RPSA: variants seen among roughly 807,000 people sequenced by gnomAD.
The protein encoded by RPSA is ribosomal protein SA.
For missense variants in RPSA, 140 were observed against 372.8 expected (o/e 0.38, Z 5.14); for synonymous variants, 103 against 126.7 (o/e 0.81, Z 1.25).
Position 39,408,014 on chromosome 3 carries a change from T to G in RPSA, c.133+228T>G, listed in dbSNP as rs555688965. The stretch of plus-strand genomic sequence containing the variant: ...GAGTTACGGGACTTGGGTTGGGTCA[T>G]GAACATGAGAAAGTTCATTGGCTGA... On this transcript the variant is annotated intron_variant, in intron 2 of 6. Transcript: ENST00000301821. 2.8e-5 allele frequency: 14 copies of G among 504,402 alleles called. 1 individual carries two copies. The highest frequency in any genetic ancestry group is 1.7e-4 in the African/African-American group (9 of 51,676). The allele number at this position is 504,402 out of a possible 1,614,324, so 31.2% of individuals were successfully genotyped here. A position where few individuals can be genotyped will look rare whatever the true frequency, so the allele number is the denominator to read the frequency against.
chr3:39,408,337 A>C lies in RPSA; in HGVS notation c.134-269A>C, dbSNP rs889327212. 5.7e-5 allele frequency: 36 copies of C among 630,794 alleles called. 2 individuals carry two copies. Among genetic ancestry groups the C allele is most frequent in the South Asian group, 5.3e-4 (36 of 67,440 alleles). 39.1% of individuals were successfully genotyped at this position (630,794 alleles called of 1,614,324 possible). ...GTGGATTATTAAGAACCAATGATGG[A>C]ATAAGTACAGGGAAAGAGAAAGGAA... On this transcript the variant is annotated intron_variant, in intron 2 of 6. Transcript: ENST00000301821.
Position 39,408,650 on chromosome 3 carries a change from C to G in RPSA, c.178C>G (p.Leu60Val), listed in dbSNP as rs765372610. 1.9e-6 allele frequency: 3 copies of G among 1,613,310 alleles called. No homozygotes were observed. In the South Asian group the frequency reaches 3.3e-5, roughly 18 times the overall value. Residue 60 changes from leucine (L) to valine (V), a missense_variant, in exon 3 of 7, where the codon CTG (leucine) becomes GTG (valine). Coordinates refer to ENST00000301821, the MANE Select transcript of RPSA (RefSeq NM_002295.6). ...CAAGAGGACCTGGGAGAAGCTTCTGCTGGCAGCTCGTGCAATTGTTGCCAT... is the reference window on the plus strand; with the variant it reads ...CAAGAGGACCTGGGAGAAGCTTCTGGTGGCAGCTCGTGCAATTGTTGCCAT... ...NLKRTWEKLL[L>V]AARAIVAIEN...
intron 3 of RPSA, among the ~76,000 whole-genome samples, chr3:39,409,438 T>G (rs2041973153): frequency 6.6e-6 from 1 of 152,178 alleles, no homozygotes; most frequent in African/African-American, 2.4e-5. Context: ...TGATCTCAAG[T>G]GATCCTCCCA....
At chr3:39,409,946 G>T (rs553802818) in intron 3 of RPSA, among the ~76,000 whole-genome samples, 1 of 152,290 alleles carries the variant, frequency 6.6e-6, no homozygotes, top group East Asian at 1.9e-4. Flanking sequence ...TGGGCAACGT[G>T]GCAAAACTCC....
rs748667898 is a variant in RPSA, at chr3:39,408,674, A to G, written c.202A>G (p.Ile68Val). 2 of 1,613,500 alleles carry G rather than the reference A, an allele frequency of 1.2e-6. No homozygotes were observed. The highest frequency in any genetic ancestry group is 2.2e-5 in the South Asian group (2 of 91,054). Residue 68 changes from isoleucine (I) to valine (V), a missense_variant, in exon 3 of 7, where the codon ATT (isoleucine) becomes GTT (valine). Physicochemically the swap from Ile to Val is conservative, Grantham distance 29. Transcript: ENST00000301821. ...LLLAARAIVA[I>V]ENPADVSVIS... ...GCTGGCAGCTCGTGCAATTGTTGCC[A>G]TTGAAAACCCTGCTGATGTCAGTGT...
chr3:39,412,199 C>A, intron 6 of RPSA, 75 bp from the exon 7 acceptor site: 1 of 1,333,626 alleles, frequency 7.5e-7, no homozygotes, highest in Non-Finnish European at 1.1e-6. Context: ...TGATAGACTG[C>A]TGTTGGGAGT....
chr3:39,406,844 C>T (rs2041923713), intron 1 of RPSA, 80 bp downstream of exon 1: 1 of 456,164 alleles, frequency 2.2e-6, no homozygotes, highest in African/African-American at 2.0e-5. Flanking sequence ...GGTGAGAAGA[C>T]TAGTGATGAA....
At position 39,408,377 on chromosome 3, in the gene RPSA, A is replaced by G. The variant is rs186381702; in HGVS notation, c.134-229A>G. On this transcript the variant is annotated intron_variant, in intron 2 of 6. Transcript: ENST00000301821. Reference sequence around the variant, plus strand: ...AGAGAAAGGAAAGATGGATTTAGCCAACTGAATCTAGGCTGCACACTATTA... The same window carrying G: ...AGAGAAAGGAAAGATGGATTTAGCCGACTGAATCTAGGCTGCACACTATTA... 4.3e-4 allele frequency: 315 copies of G among 725,264 alleles called. 2 individuals carry two copies. In the Middle Eastern group the frequency reaches 8.3e-3, roughly 19 times the overall value. 44.9% of individuals were successfully genotyped at this position (725,264 alleles called of 1,614,324 possible).
intron 3 of RPSA, chr3:39,410,533 G>A (rs936936489): frequency 1.8e-6 from 1 of 568,554 alleles, no homozygotes. Context: ...GCCAGGTAGT[G>A]TTGCTAGGTG....
At chr3:39,407,537 C>T (rs2041937718) in intron 1 of RPSA, 84 bp from the exon 2 acceptor site, 4 of 937,430 alleles carry the variant, frequency 4.3e-6, no homozygotes, top group South Asian at 2.6e-5. Flanking sequence ...GACACTATAG[C>T]AGATGGAGTT....
Position 39,411,651 on chromosome 3 carries a change from A to T in RPSA, c.501A>T (p.Gly167=). The change falls in exon 5 of 7, where the codon GGA becomes GGT. Residue 167 remains glycine, a splice_region_variant and synonymous_variant. Transcript: ENST00000301821. ...TAATAATCTGCCACTCTTGGCAGGG[A>T]GCTCACTCAGTGGGTTTGATGTGGT... is the stretch of plus-strand genomic sequence containing the variant. ...VDIAIPCNNK[G]AHSVGLMWWM... 1 of 1,609,522 alleles carries T rather than the reference A, an allele frequency of 6.2e-7. No homozygotes were observed. The highest frequency in any genetic ancestry group is 8.5e-7 in the Non-Finnish European group (1 of 1,180,010).
chr3:39,407,648 T>G lies in RPSA; in HGVS notation c.-6T>G, dbSNP rs770170929. 8 of 1,595,718 alleles carry G rather than the reference T, an allele frequency of 5.0e-6. No individual in the cohort carries two copies. Among genetic ancestry groups the G allele is most frequent in the Admixed American group, 1.7e-5 (1 of 60,006 alleles). On this transcript the variant is annotated 5_prime_UTR_variant, in exon 2 of 7. Transcript: ENST00000301821. ...TCCCGTCGTAACTTAAAGGGAAATT[T>G]TCACAATGTCCGGAGCCCTTGATGT... is the stretch of plus-strand genomic sequence containing the variant.
intron 6 of RPSA, 98 bp downstream of exon 6, chr3:39,412,159 G>A: frequency 2.8e-6 from 4 of 1,404,818 alleles, no homozygotes; most frequent in Non-Finnish European, 4.0e-6. Context: ...CTAGCTTTAA[G>A]AGGTTTTCAT....
rs2041988020 is a variant in RPSA at position 39,410,365 on chromosome 3, ATG to A, written c.253-383_253-382del. ...TTCAATGTTGACAGGACGGGTTCCC[ATG>A]TGTGTTTTTGCAGAGGGTTATTCCT... On this transcript the variant is annotated intron_variant, in intron 3 of 6. Transcript: ENST00000301821. 1.6e-5 allele frequency: 4 copies of A among 249,866 alleles called. No individual in the cohort carries two copies. In the South Asian group the frequency reaches 2.3e-4, roughly 14 times the overall value. 15.5% of individuals were successfully genotyped at this position (249,866 alleles called of 1,614,324 possible).
rs2042012392 is a variant in RPSA at position 39,411,975 on chromosome 3, C to G, written c.707C>G (p.Pro236Arg). The G allele has an allele frequency of 6.2e-7, 1 of 1,602,152 alleles. No homozygotes were observed. The highest frequency in any genetic ancestry group is 1.7e-5 in the Admixed American group (1 of 60,004). Reference sequence around the variant, plus strand: ...CAGGGTGAATGGACTGCTCCCGCTCCTGAGTTCACTGCTACTCAGCCTGAG... The same window carrying G: ...CAGGGTGAATGGACTGCTCCCGCTCGTGAGTTCACTGCTACTCAGCCTGAG... ...EFQGEWTAPA[P>R]EFTATQPEVA... The change falls in exon 6 of 7, where the codon CCT becomes CGT. Residue 236 changes from proline to arginine, a missense_variant. Pro to Arg is a moderately radical substitution (Grantham distance 103). Transcript: ENST00000301821.
At chr3:39,411,306 C>A in intron 4 of RPSA, 1 of 636,744 alleles carries the variant, frequency 1.6e-6, no homozygotes. Flanking sequence ...GCCTCAGGCA[C>A]TTGGCCTTTG....
rs1450568819 is a variant in RPSA at position 39,407,760 on chromosome 3, A to T, written c.107A>T (p.Gln36Leu). 1 of 1,597,602 alleles carries T rather than the reference A, an allele frequency of 6.3e-7. No homozygotes were observed. Among genetic ancestry groups the T allele is most frequent in the Non-Finnish European group, 8.5e-7 (1 of 1,179,126 alleles). The stretch of plus-strand genomic sequence containing the variant: ...ACCAATCTTGACTTCCAGATGGAAC[A>T]GTACATCTATAAAAGGAAAAGTGAT... ...GGTNLDFQMEQYIYKRKSDGI... is the reference protein window; with the variant it reads ...GGTNLDFQMELYIYKRKSDGI... Residue 36 changes from glutamine (Q) to leucine (L), a missense_variant, in exon 2 of 7, where the codon CAG (glutamine) becomes CTG (leucine). Coordinates refer to ENST00000301821, the MANE Select transcript of RPSA (RefSeq NM_002295.6).
intron 5 of RPSA, 33 bp downstream of exon 5, chr3:39,411,810 G>A: frequency 6.3e-7 from 1 of 1,599,650 alleles, no homozygotes; most frequent in Non-Finnish European, 8.5e-7. Context: ...GGTTACATAA[G>A]CAAATTGGAC....
intron 3 of RPSA, 86 bp from the exon 4 acceptor site, chr3:39,410,668 G>A: frequency 6.7e-7 from 1 of 1,496,466 alleles, no homozygotes; most frequent in Non-Finnish European, 9.3e-7. Flanking sequence ...TAGTGATTAA[G>A]TTGGCCAGTG....
Sources: allele counts gnomAD v4.1 joint callset (sites outside exome capture counted in the v4.1 genomes callset), GRCh38; gene constraint gnomAD v4.1.1; transcripts MANE v1.5; gene names NCBI Gene and HGNC (gene_info 2026-07-23, HGNC 2026-07-21).